The following TMEM135 variants were observed in gnomAD, a reference collection of about 807,000 sequenced individuals.
TMEM135 encodes the protein transmembrane protein 135, also known as peroxisomal membrane protein 52.
In TMEM135, 30 loss-of-function variants were observed where a neutral mutation model predicts 60.3. The ratio of observed to expected loss-of-function variants is 0.50; its 90% confidence interval spans 0.37 to 0.68. The LOEUF (loss-of-function observed/expected upper bound fraction) is 0.68. Ranked by LOEUF, TMEM135 falls within the 30% of genes least tolerant of loss-of-function variation. TMEM135 has a pLI of 0.00. For synonymous variants in TMEM135, 190 were observed against 186.7 expected, an observed-to-expected ratio of 1.02 and a Z score of -0.14; for missense variants, 468 against 548.8, an observed-to-expected ratio of 0.85 and a Z score of 1.47.
intron 5 of TMEM135, among the ~76,000 whole-genome samples, chr11:87,183,246 G>A (rs1486070591): frequency 6.1e-5 from 9 of 148,286 alleles, no homozygotes; most frequent in African/African-American, 1.5e-4. Flanking sequence ...GGGTTCAAGC[G>A]ATTCTCCTGC....
chr11:87,314,527 T>G lies in TMEM135; in HGVS notation c.1057T>G (p.Leu353Val). The change falls in exon 12 of 15, where the codon TTA becomes GTA. Residue 353 changes from leucine to valine, a missense_variant. By Grantham distance (32) the Leu-to-Val change is conservative. Coordinates refer to ENST00000305494, the MANE Select transcript of TMEM135 (RefSeq NM_022918.4). ...FYKSTTISMY[L>V]ASKLVETMYF... ...TAAAAGCACAACAATTTCCATGTAT[T>G]TAGCGTCCAAATTGGTAGAGGTAAG... is the stretch of plus-strand genomic sequence containing the variant. 6.2e-7 allele frequency: 1 copy of G among 1,610,910 alleles called. No individual in the cohort carries two copies. The highest frequency in any genetic ancestry group is 1.1e-5 in the South Asian group (1 of 91,022).
At position 87,163,115 on chromosome 11, in the gene TMEM135, C is replaced by A. The variant is rs181983461; in HGVS notation, c.462+5709C>A. Among the ~76,000 whole-genome samples the A allele has an allele frequency of 2.6e-3, 384 of 149,762 alleles. 8 individuals are homozygous for A. Among genetic ancestry groups the A allele is most frequent in the Admixed American group, 0.025 (366 of 14,896 alleles). On this transcript the variant is annotated intron_variant, in intron 5 of 14. Transcript: ENST00000305494. ...GGTTAGTTACATATGTATACATGTG[C>A]CATGCTGGTGCACTGCACCCACTAA...
chr11:87,055,653 C>A (rs899206188), intron 1 of TMEM135, among the ~76,000 whole-genome samples: 1 of 151,552 alleles, frequency 6.6e-6, no homozygotes, highest in Non-Finnish European at 1.5e-5. Flanking sequence ...TGCAATAGCA[C>A]GATCTCGGCT....
chr11:87,246,169 G>C (rs906954007), intron 6 of TMEM135, among the ~76,000 whole-genome samples: 1 of 134,550 alleles, frequency 7.4e-6, no homozygotes, highest in Non-Finnish European at 1.6e-5. Flanking sequence ...TAAGAATGTT[G>C]AATATTGGCC....
intron 7 of TMEM135, among the ~76,000 whole-genome samples, chr11:87,299,893 T>G (rs1227692754): frequency 6.6e-6 from 1 of 152,218 alleles, no homozygotes; most frequent in Non-Finnish European, 1.5e-5. Flanking sequence ...TAATAGAAGT[T>G]AAGTGTTCTA....
chr11:87,167,206 C>A (rs1032534293), intron 5 of TMEM135, among the ~76,000 whole-genome samples: 1 of 152,158 alleles, frequency 6.6e-6, no homozygotes, highest in African/African-American at 2.4e-5. Context: ...AGATTTTGGG[C>A]TGAGACGATG....
chr11:87,118,946 G>A lies in TMEM135; in HGVS notation c.396+27551G>A, dbSNP rs1256532015. Among the ~76,000 whole-genome samples the A allele has an allele frequency of 3.9e-4, 59 of 152,168 alleles. 1 individual carries two copies. The highest frequency in any genetic ancestry group is 3.9e-3 in the Admixed American group (59 of 15,268). On this transcript the variant is annotated intron_variant, in intron 4 of 14. Coordinates refer to ENST00000305494, the MANE Select transcript of TMEM135 (RefSeq NM_022918.4). Reference sequence around the variant, plus strand: ...TTTGGTGAAGGGAATGTTGTGGTTGGTTTAATCTTCTATTCAGACCACTAA... The same window carrying A: ...TTTGGTGAAGGGAATGTTGTGGTTGATTTAATCTTCTATTCAGACCACTAA...
intron 6 of TMEM135, among the ~76,000 whole-genome samples, chr11:87,278,081 G>A (rs908599914): frequency 6.6e-6 from 1 of 152,074 alleles, no homozygotes; most frequent in Non-Finnish European, 1.5e-5. Flanking sequence ...GTCTAGCCTT[G>A]CTCTACCTGT....
intron 2 of TMEM135, among the ~76,000 whole-genome samples, chr11:87,069,577 A>G (rs940323279): frequency 2.0e-5 from 3 of 152,188 alleles, no homozygotes; most frequent in African/African-American, 2.4e-5. Context: ...TGAGAAATAC[A>G]GTGAAATCTG....
At chr11:87,127,130 C>T (rs1209369384) in intron 4 of TMEM135, among the ~76,000 whole-genome samples, 1 of 152,094 alleles carries the variant, frequency 6.6e-6, no homozygotes, top group Non-Finnish European at 1.5e-5. Flanking sequence ...TAATCTGGTT[C>T]CTTTTGACTT....
intron 9 of TMEM135, 38 bp from the exon 10 acceptor site, chr11:87,309,467 T>G (rs115803869): frequency 6.2e-7 from 1 of 1,611,620 alleles, no homozygotes; most frequent in East Asian, 2.2e-5. Context: ...ACTTCAAAAT[T>G]TGTTTGTAAA....
intron 5 of TMEM135, 136 bp downstream of exon 5, chr11:87,157,542 C>A: frequency 1.4e-6 from 1 of 712,166 alleles, no homozygotes; most frequent in Non-Finnish European, 2.3e-6. Context: ...TTGAGTGTAC[C>A]TGATGAACAA....
At chr11:87,294,111 A>G (rs1942310976) in intron 6 of TMEM135, among the ~76,000 whole-genome samples, 1 of 152,106 alleles carries the variant, frequency 6.6e-6, no homozygotes, top group Non-Finnish European at 1.5e-5. Context: ...TCTGATGATC[A>G]TTAATGTTGA....
chr11:87,260,619 A>G (rs551696980), intron 6 of TMEM135, among the ~76,000 whole-genome samples: 2 of 152,266 alleles, frequency 1.3e-5, no homozygotes, highest in Non-Finnish European at 2.9e-5. Flanking sequence ...TGCGAGTTAG[A>G]CTGATGGAGC....
At chr11:87,269,238 A>G (rs925464667) in intron 6 of TMEM135, among the ~76,000 whole-genome samples, 1 of 150,440 alleles carries the variant, frequency 6.6e-6, no homozygotes, top group Non-Finnish European at 1.5e-5. Context: ...ATAATCTACT[A>G]AGAATCTTGT....
At chr11:87,314,595 T>C (rs760215479) in intron 12 of TMEM135, 48 bp downstream of exon 12, 2 of 1,474,910 alleles carry the variant, frequency 1.4e-6, no homozygotes, top group Non-Finnish European at 1.9e-6. Flanking sequence ...CATAAAGCTT[T>C]TAGCTGCTGA....
chr11:87,097,966 TTTA>T (rs1371794529), intron 4 of TMEM135, among the ~76,000 whole-genome samples: 1 of 152,204 alleles, frequency 6.6e-6, no homozygotes, highest in Non-Finnish European at 1.5e-5. Flanking sequence ...TGCTTATTAT[TTTA>T]TTGTCTGTCT....
chr11:87,286,650 A>C (rs1942172437), intron 6 of TMEM135, among the ~76,000 whole-genome samples: 1 of 152,242 alleles, frequency 6.6e-6, no homozygotes. Flanking sequence ...GGTGGGCTGC[A>C]AGACTACATA....
intron 5 of TMEM135, among the ~76,000 whole-genome samples, chr11:87,171,706 T>C (rs1939241220): frequency 1.3e-5 from 2 of 152,184 alleles, no homozygotes; most frequent in Admixed American, 6.5e-5. Flanking sequence ...CAGGCAGCTT[T>C]GTATACCCTT....
Sources: allele counts gnomAD v4.1 joint callset (sites outside exome capture counted in the v4.1 genomes callset), GRCh38; gene constraint gnomAD v4.1.1; transcripts MANE v1.5; gene names NCBI Gene and HGNC (gene_info 2026-07-23, HGNC 2026-07-21).